The following PPP2R1A variants were observed in gnomAD, a reference collection of about 807,000 sequenced individuals.
PPP2R1A encodes the protein serine/threonine-protein phosphatase 2A 65 kDa regulatory subunit A alpha isoform.
Under a neutral mutation model 67.1 loss-of-function variants are expected in PPP2R1A, and 15 were observed. The observed-to-expected ratio is 0.22, with a 90% CI of 0.15 to 0.34. The LOEUF (loss-of-function observed/expected upper bound fraction) is 0.34. Ranked by LOEUF, PPP2R1A falls within the 10% of genes least tolerant of loss-of-function variation. The probability of loss-of-function intolerance (pLI) is 1.00; values close to 1 mark genes in which losing one functional copy is unlikely to be tolerated. For synonymous variants in PPP2R1A, 337 were observed against 325.0 expected (o/e 1.04, Z -0.40); for missense variants, 369 against 775.0 (o/e 0.48, Z 6.22).
chr19:52,190,834 G>A (rs1039449946), intron 1 of PPP2R1A, among the ~76,000 whole-genome samples: 2 of 152,114 alleles, frequency 1.3e-5, no homozygotes, highest in Non-Finnish European at 2.9e-5. Flanking sequence ...AGGGGTTGAG[G>A]GATTTGCTAA....
intron 1 of PPP2R1A, chr19:52,201,700 T>A: frequency 2.0e-6 from 1 of 509,618 alleles, no homozygotes; most frequent in Non-Finnish European, 3.6e-6. Context: ...ACTGAGTAGG[T>A]GTCACCTTCA....
chr19:52,215,059 T>C (rs533045644), intron 6 of PPP2R1A, among the ~76,000 whole-genome samples: 1 of 152,188 alleles, frequency 6.6e-6, no homozygotes, highest in Admixed American at 6.5e-5. Flanking sequence ...ATCTTTATTG[T>C]TTTATTTTTA....
chr19:52,197,943 G>A (rs1235826759), intron 1 of PPP2R1A, among the ~76,000 whole-genome samples: 1 of 152,172 alleles, frequency 6.6e-6, no homozygotes, highest in East Asian at 1.9e-4. Context: ...ATTCTGTCAT[G>A]GTGAAAAAAG....
In PPP2R1A at chr19:52,216,783, T is replaced by C; in HGVS notation, c.1128+120T>C. Reference sequence around the variant, plus strand: ...TGATATCTCAACAGACATCCAGATCTTTGCTGAGTTGCATGTTTGTGGGCA... The same window carrying C: ...TGATATCTCAACAGACATCCAGATCCTTGCTGAGTTGCATGTTTGTGGGCA... On this transcript the variant is annotated intron_variant, in intron 9 of 14. Transcript: ENST00000322088. This position sits in a 1 kb window ranked among gnomAD's most constrained non-coding sequence, Gnocchi z 4.3. The C allele has an allele frequency of 6.9e-7, 1 of 1,456,530 alleles. No homozygotes were observed. The highest frequency in any genetic ancestry group is 9.4e-7 in the Non-Finnish European group (1 of 1,067,414). The allele number at this position is 1,456,530 out of a possible 1,614,324, so 90.2% of individuals were successfully genotyped here. A position where few individuals can be genotyped will look rare whatever the true frequency, so the allele number is the denominator to read the frequency against.
intron 2 of PPP2R1A, among the ~76,000 whole-genome samples, chr19:52,203,970 G>A (rs550416708): frequency 6.6e-6 from 1 of 152,302 alleles, no homozygotes; most frequent in Admixed American, 6.5e-5. Context: ...TGGAGCTTCC[G>A]TGCCCTCCCT....
chr19:52,215,604 AG>A (rs1978518407), intron 6 of PPP2R1A, among the ~76,000 whole-genome samples, 174 bp from the exon 7 acceptor site: 1 of 152,192 alleles, frequency 6.6e-6, no homozygotes, highest in African/African-American at 2.4e-5. Context: ...AGGCTCAGCG[AG>A]GTGAAGAGCC....
At position 52,227,243 on chromosome 19, in the gene PPP2R1A, C is replaced by T. The variant is rs1600176716; in HGVS notation, c.*1262C>T. On this transcript the variant is annotated 3_prime_UTR_variant, in exon 15 of 15. Transcript: ENST00000322088. ...TCTTAAGGGGGAAGGCGTCATCCCCCACCTTTCCTCCTTCCTGCACTCTGG... is the reference window on the plus strand; with the variant it reads ...TCTTAAGGGGGAAGGCGTCATCCCCTACCTTTCCTCCTTCCTGCACTCTGG... The T allele has an allele frequency of 6.6e-6, 1 of 152,154 alleles. No homozygotes were observed. Among genetic ancestry groups the T allele is most frequent in the Non-Finnish European group, 1.5e-5 (1 of 68,034 alleles). The allele number at this position is 152,154 out of a possible 1,614,324, so 9.4% of individuals were successfully genotyped here.
At chr19:52,201,649 G>GA (rs766727630) in intron 1 of PPP2R1A, 1 of 400,240 alleles carries the variant, frequency 2.5e-6, no homozygotes, top group Non-Finnish European at 4.8e-6. Flanking sequence ...GAGAGGAGGA[G>GA]AGGGAGTACA....
chr19:52,216,507 G>T lies in PPP2R1A; in HGVS notation c.994-22G>T, dbSNP rs374285069. 3.1e-6 allele frequency: 5 copies of T among 1,613,946 alleles called. No individual in the cohort carries two copies. In the African/African-American group the frequency reaches 5.3e-5, roughly 17 times the overall value. The stretch of plus-strand genomic sequence containing the variant: ...CTGCAGGGGTTGCACTGACCCCTGT[G>T]CCTGCCTCTTCTCTCTCCCAGGAGC... On this transcript the variant is annotated intron_variant, in intron 8 of 14. Coordinates refer to ENST00000322088, the MANE Select transcript of PPP2R1A (RefSeq NM_014225.6). The surrounding 1 kb of genome is among the most constrained non-coding windows in gnomAD (Gnocchi z 4.3).
At chr19:52,208,717 C>G (rs547489978) in intron 3 of PPP2R1A, among the ~76,000 whole-genome samples, 18 of 152,038 alleles carry the variant, frequency 1.2e-4, no homozygotes, top group Admixed American at 8.5e-4. Context: ...CCAGGCTGGT[C>G]TAGAACTCCT....
intron 1 of PPP2R1A, 60 bp downstream of exon 1, chr19:52,190,234 C>A (rs765749755): frequency 3.8e-5 from 58 of 1,522,092 alleles, no homozygotes; most frequent in Non-Finnish European, 4.8e-5. Context: ...GCACGGGCGG[C>A]CCTCGCGGAG....
chr19:52,205,821 T>A (rs775212147), intron 2 of PPP2R1A, 142 bp from the exon 3 acceptor site: 95 of 700,920 alleles, frequency 1.4e-4, no homozygotes, highest in Non-Finnish European at 2.1e-4. Context: ...GCAGCCCAGG[T>A]GGAGAGTGGG....
intron 1 of PPP2R1A, among the ~76,000 whole-genome samples, chr19:52,195,235 C>G (rs2122283202): frequency 6.6e-6 from 1 of 152,246 alleles, no homozygotes; most frequent in East Asian, 1.9e-4. Context: ...ACAGAGCAGG[C>G]TCTGTGCCGA....
intron 14 of PPP2R1A, 51 bp downstream of exon 14, chr19:52,225,859 A>G (rs750095933): frequency 1.2e-6 from 2 of 1,611,942 alleles, no homozygotes; most frequent in Non-Finnish European, 1.7e-6. Flanking sequence ...CTTTGAGGAC[A>G]GGCACTGGGC....
Position 52,220,860 on chromosome 19 carries a change from C to G in PPP2R1A, c.1364-119C>G, listed in dbSNP as rs894986968. ...TAAGTCCTTTTTTCTCTCTTTGGCTCACATGCAGCCTGGCACCTAGGGGCT... is the reference window on the plus strand; with the variant it reads ...TAAGTCCTTTTTTCTCTCTTTGGCTGACATGCAGCCTGGCACCTAGGGGCT... On this transcript the variant is annotated intron_variant, in intron 11 of 14. Transcript: ENST00000322088. 3 of 1,205,694 alleles carry G rather than the reference C, an allele frequency of 2.5e-6. No individual in the cohort carries two copies. The African/African-American group carries it at 4.6e-5, about 18-fold the overall frequency. The allele number at this position is 1,205,694 out of a possible 1,614,324, so 74.7% of individuals were successfully genotyped here. A position where few individuals can be genotyped will look rare whatever the true frequency, so the allele number is the denominator to read the frequency against.
rs974342087 is a variant in PPP2R1A, at chr19:52,209,922, A to G, written c.271-1338A>G. Among the ~76,000 whole-genome samples the G allele has an allele frequency of 5.9e-5, 9 of 152,274 alleles. No individual in the cohort carries two copies. In the East Asian group the frequency reaches 1.2e-3, roughly 20 times the overall value. ...CTTATTGCCAGCTGCATTCTCCCAT[A>G]GTGACAGTCCTTGGAGCTGGGGAGC... On this transcript the variant is annotated intron_variant, in intron 3 of 14. Coordinates refer to ENST00000322088, the MANE Select transcript of PPP2R1A (RefSeq NM_014225.6).
chr19:52,212,395 G>A lies in PPP2R1A; in HGVS notation c.504-291G>A, dbSNP rs2089678083. On this transcript the variant is annotated intron_variant, in intron 4 of 14. Transcript: ENST00000322088. The surrounding 1 kb of genome is among the most constrained non-coding windows in gnomAD (Gnocchi z 4.1). Reference sequence around the variant, plus strand: ...CCACTGTGCCTGGCTCGTTGGTTAAGCAATTTTTATGGGAATGATGTAATC... The same window carrying A: ...CCACTGTGCCTGGCTCGTTGGTTAAACAATTTTTATGGGAATGATGTAATC... 3 of 406,582 alleles carry A rather than the reference G, an allele frequency of 7.4e-6. No homozygotes were observed. In the East Asian group the frequency reaches 1.6e-4, roughly 22 times the overall value. The allele number at this position is 406,582 out of a possible 1,614,324, so 25.2% of individuals were successfully genotyped here.
Position 52,205,968 on chromosome 19 carries a change from A to G in PPP2R1A, c.175A>G (p.Ile59Val). The change falls in exon 3 of 15, where the codon ATC (isoleucine) becomes GTC (valine). Residue 59 changes from isoleucine (I) to valine (V), a missense_variant. Around this residue, in one of 2 missense-constraint regions of PPP2R1A, gnomAD observed 93 missense variants for 266.5 expected, o/e 0.35. Coordinates refer to ENST00000322088, the MANE Select transcript of PPP2R1A (RefSeq NM_014225.6). ...SELLPFLTDT[I>V]YDEDEVLLAL... ...AGTCTGTCTTGGTTCCACAGATACC[A>G]TCTATGATGAAGATGAGGTCCTCCT... 1 of 1,613,866 alleles carries G rather than the reference A, an allele frequency of 6.2e-7. No individual in the cohort carries two copies. The highest frequency in any genetic ancestry group is 8.5e-7 in the Non-Finnish European group (1 of 1,179,742).
At chr19:52,198,918 C>T (rs998705593) in intron 1 of PPP2R1A, among the ~76,000 whole-genome samples, 4 of 152,146 alleles carry the variant, frequency 2.6e-5, no homozygotes, top group Admixed American at 6.5e-5. Context: ...CTGCCAAGCA[C>T]GTAGCAAACA....
Sources: allele counts gnomAD v4.1 joint callset (sites outside exome capture counted in the v4.1 genomes callset), GRCh38; gene constraint gnomAD v4.1.1; regional missense constraint gnomAD v4.1.1; non-coding constraint Gnocchi (gnomAD v3.1); transcripts MANE v1.5; gene names NCBI Gene and HGNC (gene_info 2026-07-23, HGNC 2026-07-21).